The following DIAPH1 variants were observed in gnomAD, a reference collection of about 807,000 sequenced individuals.
The protein encoded by DIAPH1 is protein diaphanous homolog 1.
DIAPH1 carries 46 observed loss-of-function variants against 140.7 expected under a neutral mutation model. That is an observed-to-expected ratio of 0.33 (90% CI 0.26 to 0.42). The LOEUF (loss-of-function observed/expected upper bound fraction) is 0.42. Among genes scored for constraint, DIAPH1 ranks in the 10% least tolerant of loss-of-function variants. The pLI is 1.00. For synonymous variants in DIAPH1, 565 were observed against 551.6 expected, an observed-to-expected ratio of 1.02 and a Z score of -0.34; for missense variants, 1,310 against 1,558.7, an observed-to-expected ratio of 0.84 and a Z score of 2.69.
At chr5:141,601,024 C>G (rs2099900058) in intron 1 of DIAPH1, among the ~76,000 whole-genome samples, 1 of 151,842 alleles carries the variant, frequency 6.6e-6, no homozygotes, top group African/African-American at 2.4e-5. Context: ...GGGAACTGAA[C>G]AATGAGAACA....
At chr5:141,588,347 A>C in intron 1 of DIAPH1, 97 bp from the exon 2 acceptor site, 1 of 855,726 alleles carries the variant, frequency 1.2e-6, no homozygotes, top group South Asian at 1.4e-5. Flanking sequence ...AAAGAGGGAG[A>C]GAAGTTGAAA....
In DIAPH1 at chr5:141,587,039, T is replaced by TA; in HGVS notation, c.300+2dup. ...AGCAACATTTTGGGAATGGGAAACT[T>TA]ACCAGCATCTGTTCAAAGAGAACCA... On this transcript the variant is annotated splice_region_variant and intron_variant, in intron 3 of 27. Transcript: ENST00000389054. 1 of 1,614,110 alleles carries TA rather than the reference T, an allele frequency of 6.2e-7. No homozygotes were observed. Among genetic ancestry groups the TA allele is most frequent in the Non-Finnish European group, 8.5e-7 (1 of 1,179,978 alleles).
intron 27 of DIAPH1, among the ~76,000 whole-genome samples, chr5:141,522,015 T>C (rs1439128722): frequency 6.6e-6 from 1 of 152,214 alleles, no homozygotes. Flanking sequence ...ACTTTAGGTC[T>C]TTTGATCCCT....
intron 1 of DIAPH1, among the ~76,000 whole-genome samples, chr5:141,606,426 G>A (rs1248046902): frequency 1.3e-5 from 2 of 151,898 alleles, no homozygotes; most frequent in African/African-American, 2.4e-5. Context: ...ACAGAGTCTC[G>A]CTCTGTCGCC....
At position 141,574,056 on chromosome 5, in the gene DIAPH1, T is replaced by C. The variant is rs1437833018; in HGVS notation, c.1794A>G (p.Pro598=). The part of the protein sequence containing the change: ...LPGDSGTIIP[P]PPAPGDSTTP... Reference sequence around the variant, plus strand: ...TGGTACTATCCCCAGGAGCAGGTGGTGGTGGAATAATAGTGCCAGAGTCAC... The same window carrying C: ...TGGTACTATCCCCAGGAGCAGGTGGCGGTGGAATAATAGTGCCAGAGTCAC... Residue 598 remains proline, a synonymous_variant, in exon 16 of 28, where the codon CCA becomes CCG. Transcript: ENST00000389054. The C allele has an allele frequency of 6.9e-6, 11 of 1,601,976 alleles. No individual in the cohort carries two copies. The highest frequency in any genetic ancestry group is 5.6e-5 in the South Asian group (5 of 89,480).
At chr5:141,613,715 C>T (rs1010915327) in intron 1 of DIAPH1, among the ~76,000 whole-genome samples, 6 of 152,130 alleles carry the variant, frequency 3.9e-5, no homozygotes, top group Non-Finnish European at 7.3e-5. Flanking sequence ...GTCTATTTCT[C>T]TTTTCCTTCA....
At chr5:141,523,135 G>T (rs996363317) in intron 27 of DIAPH1, among the ~76,000 whole-genome samples, 2 of 152,184 alleles carry the variant, frequency 1.3e-5, no homozygotes, top group African/African-American at 4.8e-5. Context: ...AGCAAGCTGT[G>T]TTAACTCCTT....
At chr5:141,535,010 G>A (rs1023746495) in intron 18 of DIAPH1, among the ~76,000 whole-genome samples, 1 of 152,100 alleles carries the variant, frequency 6.6e-6, no homozygotes, top group Non-Finnish European at 1.5e-5. Context: ...CTGCAGTGGC[G>A]CAATCATGGC....
chr5:141,540,314 G>A (rs1184669618), intron 18 of DIAPH1, among the ~76,000 whole-genome samples: 5 of 150,752 alleles, frequency 3.3e-5, no homozygotes, highest in South Asian at 2.1e-4. Flanking sequence ...ACGGAGTCTC[G>A]CTATATCGCC....
chr5:141,555,936 G>C (rs2099892499), intron 18 of DIAPH1, among the ~76,000 whole-genome samples: 1 of 152,126 alleles, frequency 6.6e-6, no homozygotes, highest in South Asian at 2.1e-4. Context: ...GACTCTACGA[G>C]TGTCCTGCCA....
chr5:141,603,350 C>A (rs1196266241), intron 1 of DIAPH1, among the ~76,000 whole-genome samples: 3 of 152,208 alleles, frequency 2.0e-5, no homozygotes, highest in Non-Finnish European at 2.9e-5. Flanking sequence ...GTCAATTATA[C>A]CTCAATAAAG....
At chr5:141,526,494 A>C in intron 24 of DIAPH1, 33 bp from the exon 25 acceptor site, 1 of 1,614,012 alleles carries the variant, frequency 6.2e-7, no homozygotes, top group Non-Finnish European at 8.5e-7. Flanking sequence ...CAAGACCAAG[A>C]CCAAGAAGCA....
chr5:141,560,643 T>C (rs1426403478), intron 18 of DIAPH1: 1 of 177,850 alleles, frequency 5.6e-6, no homozygotes, highest in Admixed American at 5.9e-5. Context: ...TTTTTTTAGG[T>C]GCTCCAGATC....
At chr5:141,598,060 C>T (rs1211014080) in intron 1 of DIAPH1, among the ~76,000 whole-genome samples, 1 of 152,156 alleles carries the variant, frequency 6.6e-6, no homozygotes, top group Non-Finnish European at 1.5e-5. Flanking sequence ...CAAGTGATGT[C>T]CTTAAAATCT....
At chr5:141,570,495 C>T (rs1006147099) in intron 18 of DIAPH1, among the ~76,000 whole-genome samples, 1 of 152,020 alleles carries the variant, frequency 6.6e-6, no homozygotes, top group Admixed American at 6.6e-5. Context: ...TCTTATACTC[C>T]TAGATACACA....
rs2099895524 is a variant in DIAPH1, at chr5:141,573,617, T to C, written c.2233A>G (p.Met745Val). ...AATGGGGGAGGTGGAGGCATACCCA[T>C]TCCGGGTGGAGGTGGAGGAATGCCA... ...GPGIPPPPPGMGMPPPPPFGF... is the reference protein window; with the variant it reads ...GPGIPPPPPGVGMPPPPPFGF... Residue 745 changes from methionine to valine, a missense_variant, in exon 16 of 28, where the codon ATG (methionine) becomes GTG (valine). By Grantham distance (21) the Met-to-Val change is conservative (BLOSUM62 1). This residue lies in a region of DIAPH1 where 589 missense variants were observed against 549.3 expected (regional missense o/e 1.07). Transcript: ENST00000389054. The C allele has an allele frequency of 1.9e-6, 3 of 1,613,154 alleles. No individual in the cohort carries two copies. The highest frequency in any genetic ancestry group is 2.2e-5 in the East Asian group (1 of 44,794).
In DIAPH1 at chr5:141,559,178, A is replaced by G. The variant is rs190597250; in HGVS notation, c.2482+12250T>C. On this transcript the variant is annotated intron_variant, in intron 18 of 27. Coordinates refer to ENST00000389054, the MANE Select transcript of DIAPH1 (RefSeq NM_005219.5). Reference sequence around the variant, plus strand: ...ACAGTAAGAGGGTCTTAATGTTAATATAAGTGTTAATATAAGAAGCTGCCC... The same window carrying G: ...ACAGTAAGAGGGTCTTAATGTTAATGTAAGTGTTAATATAAGAAGCTGCCC... 7.0e-4 allele frequency among the ~76,000 whole-genome samples: 107 copies of G among 152,056 alleles called. 1 individual carries two copies. The Middle Eastern group carries it at 0.02, about 29-fold the overall frequency.
intron 1 of DIAPH1, among the ~76,000 whole-genome samples, chr5:141,604,206 T>C (rs181228717): frequency 3.3e-4 from 50 of 152,364 alleles, no homozygotes; most frequent in Admixed American, 1.8e-3. Flanking sequence ...AGTCTGTCAT[T>C]TGGTGACAGA....
intron 18 of DIAPH1, among the ~76,000 whole-genome samples, chr5:141,554,972 GT>G (rs1352217542): frequency 6.6e-6 from 1 of 152,084 alleles, no homozygotes; most frequent in African/African-American, 2.4e-5. Flanking sequence ...TGGAGGTTCA[GT>G]TGTAACTGGA....
Sources: allele counts gnomAD v4.1 joint callset (sites outside exome capture counted in the v4.1 genomes callset), GRCh38; gene constraint gnomAD v4.1.1; regional missense constraint gnomAD v4.1.1; transcripts MANE v1.5; gene names NCBI Gene and HGNC (gene_info 2026-07-23, HGNC 2026-07-21).